The following FIGNL2 variants were observed in gnomAD, a reference collection of about 807,000 sequenced individuals.
FIGNL2 encodes fidgetin like 2, also known as fidgetin-like protein 2.
For missense variants in FIGNL2, 1,060 were observed against 950.2 expected, an observed-to-expected ratio of 1.12 and a Z score of -1.52; for synonymous variants, 565 against 484.0, an observed-to-expected ratio of 1.17 and a Z score of -2.20.
At chr12:51,845,539 A>G in intron 1 of FIGNL2, 1 of 985,324 alleles carries the variant, frequency 1.0e-6, no homozygotes, top group Non-Finnish European at 1.2e-6. Flanking sequence ...TGGAGTCCAC[A>G]TCTCCCTGCT....
At chr12:51,845,155 C>T (rs1414305309) in intron 1 of FIGNL2, among the ~76,000 whole-genome samples, 3 of 152,240 alleles carry the variant, frequency 2.0e-5, no homozygotes. Flanking sequence ...GTTATGGATA[C>T]CCAGAATGGG....
At chr12:51,831,365 A>G (rs922217304) in intron 1 of FIGNL2, among the ~76,000 whole-genome samples, 2 of 152,164 alleles carry the variant, frequency 1.3e-5, no homozygotes, top group Admixed American at 1.3e-4. Context: ...GAAAACAAGG[A>G]AAGTGCAGAG....
intron 1 of FIGNL2, chr12:51,845,613 A>G (rs1939736566): frequency 1.0e-6 from 1 of 985,284 alleles, no homozygotes; most frequent in Admixed American, 6.1e-5. Flanking sequence ...AAATCGGGTA[A>G]AGGAGTCGAT....
At chr12:51,823,360 T>G (rs2138975138) in intron 1 of FIGNL2, 1 of 152,370 alleles carries the variant, frequency 6.6e-6, no homozygotes, top group Admixed American at 6.5e-5. Context: ...GTCATCAGAC[T>G]CACTGCAAAG....
At chr12:51,826,680 G>A (rs1253946568) in intron 1 of FIGNL2, among the ~76,000 whole-genome samples, 2 of 151,342 alleles carry the variant, frequency 1.3e-5, no homozygotes, top group African/African-American at 4.9e-5. Context: ...CAGGAAGCAG[G>A]GCACCAGGTC....
intron 1 of FIGNL2, among the ~76,000 whole-genome samples, chr12:51,842,447 G>A (rs1396043211): frequency 3.3e-5 from 5 of 152,164 alleles, no homozygotes; most frequent in Non-Finnish European, 7.3e-5. Context: ...GGGTGGGGAG[G>A]GAGCCGCATG....
rs539213080 is a variant in FIGNL2, at chr12:51,830,057, G to C, written c.-11-7633C>G. Reference sequence around the variant, plus strand: ...TAATCCTGGCACTTTGGAAGGGTGAGGGAGGCGGATCACCTGAGGTCGGGA... The same window carrying C: ...TAATCCTGGCACTTTGGAAGGGTGACGGAGGCGGATCACCTGAGGTCGGGA... On this transcript the variant is annotated intron_variant, in intron 1 of 1. Coordinates refer to ENST00000618634, the MANE Select transcript of FIGNL2 (RefSeq NM_001384995.1). 3.7e-4 allele frequency among the ~76,000 whole-genome samples: 56 copies of C among 152,270 alleles called. 2 individuals are homozygous for C. The South Asian group carries it at 0.012, about 32-fold the overall frequency.
intron 1 of FIGNL2, among the ~76,000 whole-genome samples, chr12:51,830,164 C>T (rs942611837): frequency 7.9e-5 from 12 of 151,758 alleles, no homozygotes; most frequent in African/African-American, 2.7e-4. Flanking sequence ...TGGCGGGTGC[C>T]TGTAATCCCA....
At chr12:51,825,435 C>T (rs188417732) in intron 1 of FIGNL2, among the ~76,000 whole-genome samples, 49 of 152,222 alleles carry the variant, frequency 3.2e-4, no homozygotes, top group East Asian at 9.7e-4. Flanking sequence ...AACCTCCACC[C>T]GCCAACGAAG....
rs1036840412 is a variant in FIGNL2, at chr12:51,820,077, TG to T, written c.*374del. 3 of 254,170 alleles carry T rather than the reference TG, an allele frequency of 1.2e-5. No individual in the cohort carries two copies. Among genetic ancestry groups the T allele is most frequent in the Admixed American group, 1.1e-4 (2 of 18,456 alleles). 15.7% of individuals were successfully genotyped at this position (254,170 alleles called of 1,614,324 possible). On this transcript the variant is annotated 3_prime_UTR_variant, in exon 2 of 2. Transcript: ENST00000618634. The stretch of plus-strand genomic sequence containing the variant: ...AACCAAGAGAATGCAGAGAATGGGA[TG>T]GAGAGAGTGAGGGAGAAGGAGGGTG...
chr12:51,840,514 T>G (rs932990008), intron 1 of FIGNL2, among the ~76,000 whole-genome samples: 1 of 152,226 alleles, frequency 6.6e-6, no homozygotes, highest in Non-Finnish European at 1.5e-5. Flanking sequence ...GGCAGGCTGA[T>G]CACCTGAGGT....
intron 1 of FIGNL2, chr12:51,845,748 G>A (rs1939738350): frequency 1.2e-6 from 1 of 865,468 alleles, no homozygotes; most frequent in Non-Finnish European, 1.4e-6. Flanking sequence ...GGCTCCTAAG[G>A]GTCCAGCAAT....
chr12:51,833,130 C>T (rs1939503470), intron 1 of FIGNL2, among the ~76,000 whole-genome samples: 1 of 152,146 alleles, frequency 6.6e-6, no homozygotes, highest in African/African-American at 2.4e-5. Context: ...TCACTGCAGC[C>T]TGGACCTCCC....
chr12:51,845,787 C>T (rs903783769), intron 1 of FIGNL2: 39 of 402,470 alleles, frequency 9.7e-5, no homozygotes, highest in Middle Eastern at 1.2e-3. Context: ...GGGGGAGAGT[C>T]GGGGGAGTCC....
intron 1 of FIGNL2, chr12:51,847,891 G>C: frequency 3.2e-6 from 3 of 935,284 alleles, no homozygotes; most frequent in Non-Finnish European, 3.8e-6. Flanking sequence ...TGTAGCCCCA[G>C]GGTGAAGGTG....
intron 1 of FIGNL2, chr12:51,845,463 C>A (rs979859640): frequency 1.3e-5 from 13 of 983,200 alleles, no homozygotes; most frequent in Non-Finnish European, 1.4e-5. Flanking sequence ...GCTCACCGCC[C>A]CCCCCCCACA....
chr12:51,846,460 C>T (rs892395614), intron 1 of FIGNL2, among the ~76,000 whole-genome samples: 3 of 152,162 alleles, frequency 2.0e-5, no homozygotes, highest in African/African-American at 7.2e-5. Context: ...AATAAAGCTG[C>T]GGCCCAGGCA....
chr12:51,821,317 G>C lies in FIGNL2; in HGVS notation c.1097C>G (p.Thr366Ser). 1 of 1,518,588 alleles carries C rather than the reference G, an allele frequency of 6.6e-7. No individual in the cohort carries two copies. Among genetic ancestry groups the C allele is most frequent in the Non-Finnish European group, 8.8e-7 (1 of 1,138,786 alleles). 94.1% of individuals were successfully genotyped at this position (1,518,588 alleles called of 1,614,324 possible). ...GGCCCCAGGGTCCACGCCTTTGGGAGTCTCCCCCGACGGCACGGCGAACCC... is the reference window on the plus strand; with the variant it reads ...GGCCCCAGGGTCCACGCCTTTGGGACTCTCCCCCGACGGCACGGCGAACCC... ...RGGFAVPSGE[T>S]PKGVDPGALE... The change falls in exon 2 of 2, where the codon ACT (threonine) becomes AGT (serine). Residue 366 changes from threonine (T) to serine (S), a missense_variant. Transcript: ENST00000618634.
At chr12:51,826,745 C>G (rs966393719) in intron 1 of FIGNL2, among the ~76,000 whole-genome samples, 1 of 152,032 alleles carries the variant, frequency 6.6e-6, no homozygotes, top group Non-Finnish European at 1.5e-5. Flanking sequence ...TAACCCCTTC[C>G]AAGAGAAAGA....
Sources: gnomAD v4.1 joint callset for allele counts (sites outside exome capture counted in the v4.1 genomes callset) on GRCh38, gnomAD v4.1.1 for gene constraint, MANE v1.5 for transcripts, NCBI Gene and HGNC (gene_info 2026-07-23, HGNC 2026-07-21) for gene names.